Variants in STPG2 observed in about 807,000 individuals in gnomAD.
STPG2 encodes sperm tail PG-rich repeat containing 2.
A neutral mutation model predicts 54.2 loss-of-function variants in STPG2; 56 were observed. That is an observed-to-expected ratio of 1.03 (90% confidence interval 0.83 to 1.29). STPG2 has a LOEUF of 1.29. STPG2 is among the 50% of genes most tolerant of loss of function. The probability of loss-of-function intolerance (pLI) is 0.00; values close to 1 mark genes in which losing one functional copy is unlikely to be tolerated. For missense variants in STPG2, 596 were observed against 544.9 expected (o/e 1.09, Z -0.93); for synonymous variants, 200 against 181.8 (o/e 1.10, Z -0.81).
chr4:97,794,030 G>A (rs1727090181), intron 9 of STPG2, among the ~76,000 whole-genome samples: 1 of 151,920 alleles, frequency 6.6e-6, no homozygotes, highest in Non-Finnish European at 1.5e-5. Flanking sequence ...AATAGGTAAA[G>A]CCACAAAGCT....
intron 7 of STPG2, among the ~76,000 whole-genome samples, chr4:97,968,081 T>G (rs1031259587): frequency 6.6e-6 from 1 of 152,064 alleles, no homozygotes; most frequent in Non-Finnish European, 1.5e-5. Context: ...GCTGGTTTTT[T>G]GAAAAGATCA....
intron 7 of STPG2, among the ~76,000 whole-genome samples, chr4:97,965,467 T>G (rs1734063546): frequency 6.6e-6 from 1 of 152,210 alleles, no homozygotes; most frequent in East Asian, 1.9e-4. Context: ...TGTCCCTGTC[T>G]GACAACTCTG....
chr4:98,050,567 A>G (rs577088380), intron 5 of STPG2, among the ~76,000 whole-genome samples: 148 of 152,350 alleles, frequency 9.7e-4, no homozygotes, highest in African/African-American at 3.4e-3. Flanking sequence ...CCATACTCAC[A>G]GGAGTTGAGG....
At chr4:97,954,417 G>A (rs1733590963) in intron 7 of STPG2, among the ~76,000 whole-genome samples, 1 of 152,110 alleles carries the variant, frequency 6.6e-6, no homozygotes, top group South Asian at 2.1e-4. Context: ...TGTCTTCTTG[G>A]GCCAGAATGA....
chr4:97,879,924 A>G (rs1730309819), intron 8 of STPG2, among the ~76,000 whole-genome samples: 2 of 152,170 alleles, frequency 1.3e-5, no homozygotes, highest in Admixed American at 6.5e-5. Context: ...GAGTTACCAT[A>G]TTATCCAGCA....
chr4:97,536,049 C>T (rs755036651), intron 4 of STPG2, among the ~76,000 whole-genome samples: 12 of 152,152 alleles, frequency 7.9e-5, no homozygotes, highest in Non-Finnish European at 1.3e-4. Context: ...AATCATACCA[C>T]CCTGCAGCTT....
intron 8 of STPG2, among the ~76,000 whole-genome samples, chr4:97,914,608 T>G (rs2086712899): frequency 6.6e-6 from 1 of 152,140 alleles, no homozygotes; most frequent in Non-Finnish European, 1.5e-5. Context: ...CCTCCCCACT[T>G]GCAACCACCA....
intron 4 of STPG2, among the ~76,000 whole-genome samples, chr4:97,542,279 A>C (rs988866389): frequency 8.5e-5 from 13 of 152,208 alleles, no homozygotes; most frequent in African/African-American, 3.1e-4. Context: ...ATAAGAAAGC[A>C]ACAAACAACC....
chr4:97,688,879 T>A (rs541402431), intron 10 of STPG2, among the ~76,000 whole-genome samples: 17 of 152,316 alleles, frequency 1.1e-4, no homozygotes, highest in African/African-American at 4.1e-4. Context: ...CAATTTAAGG[T>A]CTTTCCTTCA....
intron 9 of STPG2, among the ~76,000 whole-genome samples, chr4:97,771,313 T>C (rs938387843): frequency 4.6e-5 from 7 of 152,128 alleles, no homozygotes; most frequent in African/African-American, 1.4e-4. Flanking sequence ...CTCTAGGATA[T>C]AAGAAAACTC....
At chr4:97,882,814 T>C (rs1416143701) in intron 8 of STPG2, among the ~76,000 whole-genome samples, 3 of 152,024 alleles carry the variant, frequency 2.0e-5, no homozygotes, top group South Asian at 2.1e-4. Flanking sequence ...CAACCCTCCA[T>C]GTTAAGCCCT....
In STPG2 at chr4:98,142,899, T is replaced by C. The variant is rs1046558970; in HGVS notation, c.109+143A>G. ...TCTCATCTGTAAAATAAAAGTATAG[T>C]GTTTTCCCTGCCTACTTCATGTTTT... On this transcript the variant is annotated intron_variant, in intron 1 of 10. Transcript: ENST00000295268. The C allele has an allele frequency of 2.0e-5, 15 of 733,684 alleles. No individual in the cohort carries two copies. The African/African-American group carries it at 2.4e-4, about 12-fold the overall frequency. 45.4% of individuals were successfully genotyped at this position (733,684 alleles called of 1,614,324 possible). A position where few individuals can be genotyped will look rare whatever the true frequency, so the allele number is the denominator to read the frequency against.
chr4:97,632,283 T>C (rs1318000610), intron 10 of STPG2, among the ~76,000 whole-genome samples: 2 of 143,624 alleles, frequency 1.4e-5, no homozygotes, highest in African/African-American at 5.9e-5. Context: ...ACAAGCTTAT[T>C]GGTTTTTTTT....
intron 9 of STPG2, among the ~76,000 whole-genome samples, chr4:97,738,655 G>T (rs1028166780): frequency 2.6e-4 from 39 of 151,708 alleles, no homozygotes; most frequent in Admixed American, 1.9e-3. Flanking sequence ...TCAACAAGAA[G>T]AGCTAACTAT....
chr4:97,933,697 T>C (rs1180876922), intron 8 of STPG2, among the ~76,000 whole-genome samples: 4 of 152,106 alleles, frequency 2.6e-5, no homozygotes, highest in Non-Finnish European at 5.9e-5. Context: ...TATTCTGAGA[T>C]CTCTATTCTG....
At chr4:97,784,836 T>C (rs1578561799) in intron 9 of STPG2, among the ~76,000 whole-genome samples, 1 of 152,044 alleles carries the variant, frequency 6.6e-6, no homozygotes, top group Non-Finnish European at 1.5e-5. Context: ...TTGTTAGATG[T>C]TTTAGTCTGT....
downstream of STPG2, among the ~76,000 whole-genome samples, chr4:97,557,277 A>T (rs968581015): frequency 1.1e-4 from 17 of 152,202 alleles, no homozygotes; most frequent in African/African-American, 3.9e-4. Context: ...AGAAAATTAA[A>T]GTTATAAAGG....
At chr4:97,944,651 T>C (rs1214273531) in intron 7 of STPG2, among the ~76,000 whole-genome samples, 1 of 152,146 alleles carries the variant, frequency 6.6e-6, no homozygotes, top group Non-Finnish European at 1.5e-5. Context: ...AGAATCTATT[T>C]TCCCATTTTT....
At chr4:97,904,078 C>T (rs965954835) in intron 8 of STPG2, among the ~76,000 whole-genome samples, 2 of 152,160 alleles carry the variant, frequency 1.3e-5, no homozygotes, top group African/African-American at 4.8e-5. Flanking sequence ...CTGGAAAGCT[C>T]GAACTGGGTG....
Sources: allele counts gnomAD v4.1 joint callset (sites outside exome capture counted in the v4.1 genomes callset), GRCh38; gene constraint gnomAD v4.1.1; transcripts MANE v1.5; gene names NCBI Gene and HGNC (gene_info 2026-07-23, HGNC 2026-07-21).